Variants in ATG9B observed in about 807,000 individuals in gnomAD.
The protein encoded by ATG9B is autophagy-related protein 9B.
Under a neutral mutation model 92.9 loss-of-function variants are expected in ATG9B, and 92 were observed. That is an observed-to-expected ratio of 0.99 (90% confidence interval 0.84 to 1.18). The LOEUF (loss-of-function observed/expected upper bound fraction) is 1.18, where lower values mean the gene tolerates loss of function less well. ATG9B is among the 50% of genes most tolerant of loss of function. ATG9B has a pLI of 0.00. For synonymous variants in ATG9B, 599 were observed against 551.4 expected (o/e 1.09, Z -1.21); for missense variants, 1,344 against 1,235.0 (o/e 1.09, Z -1.32).
At position 151,017,987 on chromosome 7, in the gene ATG9B, G is replaced by A. The variant is rs1410835158; in HGVS notation, c.1936C>T (p.Arg646Cys). The A allele has an allele frequency of 9.3e-6, 15 of 1,604,918 alleles. No individual in the cohort carries two copies. Among genetic ancestry groups the A allele is most frequent in the South Asian group, 1.1e-5 (1 of 89,420 alleles). The change falls in exon 8 of 14, where the codon CGC becomes TGC. Residue 646 changes from arginine to cysteine, a missense_variant. Transcript: ENST00000639579. ...LTPLFLLFWF[R>C]PRALEIIDFF... is the part of the protein sequence containing the mutation. ...TCGATAATCTCCAGGGCACGAGGGC[G>A]GAACCAGAAAAGCAGAAACAGCGGG...
Position 151,017,882 on chromosome 7 carries a change from C to T in ATG9B, c.2041G>A (p.Gly681Arg), listed in dbSNP as rs372568998. The T allele has an allele frequency of 2.2e-5, 36 of 1,607,542 alleles. No homozygotes were observed. Among genetic ancestry groups the T allele is most frequent in the Non-Finnish European group, 2.9e-5 (34 of 1,176,946 alleles). ...SFALMDVKRHGHPQWLSAGQT... is the reference protein window; with the variant it reads ...SFALMDVKRHRHPQWLSAGQT... ...GGAACGGCTCTGACCTGAGGGTGTC[C>T]GTGGCGCTTCACATCCATAAGGGCA... Residue 681 changes from glycine (G) to arginine (R), a missense_variant, in exon 8 of 14, where the codon GGA becomes AGA. By Grantham distance (125) the Gly-to-Arg change is moderately radical. Transcript: ENST00000639579.
rs12666075 is a variant in ATG9B at position 151,023,221 on chromosome 7, G to T, written c.660-15C>A. On this transcript the variant is annotated splice_polypyrimidine_tract_variant and intron_variant, in intron 3 of 13. Transcript: ENST00000639579. ...AAATAAATTGTCTGCCGGGAGGAAG[G>T]GGGGGTGCCGGGATGCTGCAGTGAT... is the stretch of plus-strand genomic sequence containing the variant. 301,773 of 1,613,480 alleles carry T rather than the reference G, an allele frequency of 0.19. 32,765 individuals carry two copies. Among genetic ancestry groups the T allele is most frequent in the Admixed American group, 0.45 (27,269 of 60,006 alleles).
At position 151,018,369 on chromosome 7, in the gene ATG9B, G is replaced by C. The variant is rs535167096; in HGVS notation, c.1797C>G (p.Tyr599Ter). The C allele has an allele frequency of 9.6e-5, 153 of 1,598,390 alleles. No individual in the cohort carries two copies. In the East Asian group the frequency reaches 3.4e-3, roughly 35 times the overall value. The change falls in exon 7 of 14, where the codon TAC becomes TAG. Residue 599 changes from tyrosine (Y) to a stop codon, truncating the protein, a stop_gained. Coordinates refer to ENST00000639579, the MANE Select transcript of ATG9B (RefSeq NM_001317056.2). LOFTEE classifies it high-confidence loss of function. The surrounding 1 kb of genome is among the most constrained non-coding windows in gnomAD (Gnocchi z 4.7). ...LLQTALAHMH[Y>*]LPEEPGPGGR... ...CGCCGGGGCCGGGCTCCTCCGGGAGGTAGTGCATGTGGGCCAGGGCTGTCT... is the reference window on the plus strand; with the variant it reads ...CGCCGGGGCCGGGCTCCTCCGGGAGCTAGTGCATGTGGGCCAGGGCTGTCT...
chr7:151,017,883 G>T lies in ATG9B; in HGVS notation c.2040C>A (p.His680Gln). ...GAACGGCTCTGACCTGAGGGTGTCC[G>T]TGGCGCTTCACATCCATAAGGGCAA... is the stretch of plus-strand genomic sequence containing the variant. ...CSFALMDVKR[H>Q]GHPQWLSAGQ... The change falls in exon 8 of 14, where the codon CAC (histidine) becomes CAA (glutamine). Residue 680 changes from histidine (H) to glutamine (Q), a missense_variant. Physicochemically the swap from His to Gln is conservative, Grantham distance 24. Transcript: ENST00000639579. 1 of 1,607,730 alleles carries T rather than the reference G, an allele frequency of 6.2e-7. No individual in the cohort carries two copies. Among genetic ancestry groups the T allele is most frequent in the Non-Finnish European group, 8.5e-7 (1 of 1,176,962 alleles).
At chr7:151,021,460 GC>G in intron 4 of ATG9B, 131 bp from the exon 5 acceptor site, 1 of 1,300,082 alleles carries the variant, frequency 7.7e-7, no homozygotes. Context: ...TCAAGGTAGA[GC>G]CCGGGGCAGG....
rs1795610119 is a variant in ATG9B at position 151,018,600 on chromosome 7, C to T, written c.1718+20G>A. On this transcript the variant is annotated intron_variant, in intron 6 of 13. Transcript: ENST00000639579. This position sits in a 1 kb window ranked among gnomAD's most constrained non-coding sequence, Gnocchi z 4.7. ...AGAGAAACCAACACACACCACCACC[C>T]CGGGCATCTGCCGTCGCACCTGGCG... 1 of 1,591,566 alleles carries T rather than the reference C, an allele frequency of 6.3e-7. No individual in the cohort carries two copies. The highest frequency in any genetic ancestry group is 1.4e-5 in the African/African-American group (1 of 73,518).
At position 151,024,012 on chromosome 7, in the gene ATG9B, G is replaced by A; in HGVS notation, c.412C>T (p.Pro138Ser). 1 of 1,593,724 alleles carries A rather than the reference G, an allele frequency of 6.3e-7. No individual in the cohort carries two copies. Among genetic ancestry groups the A allele is most frequent in the Non-Finnish European group, 8.5e-7 (1 of 1,170,208 alleles). ...TPSQQCPQDS[P>S]GLRVGPLIPE... The stretch of plus-strand genomic sequence containing the variant: ...ATCAAAGGGCCTACCCGCAGCCCAG[G>A]AGAGTCCTGGGGGCACTGCTGTGAG... Residue 138 changes from proline (P) to serine (S), a missense_variant, in exon 1 of 14, where the codon CCT becomes TCT. Coordinates refer to ENST00000639579, the MANE Select transcript of ATG9B (RefSeq NM_001317056.2).
rs747649116 is a variant in ATG9B at position 151,018,974 on chromosome 7, G to A, written c.1364C>T (p.Ala455Val). 1.3e-6 allele frequency: 2 copies of A among 1,579,160 alleles called. No homozygotes were observed. Among genetic ancestry groups the A allele is most frequent in the Admixed American group, 1.8e-5 (1 of 56,272 alleles). Residue 455 changes from alanine (A) to valine (V), a missense_variant, in exon 6 of 14, where the codon GCC becomes GTC. Coordinates refer to ENST00000639579, the MANE Select transcript of ATG9B (RefSeq NM_001317056.2). This position sits in a 1 kb window ranked among gnomAD's most constrained non-coding sequence, Gnocchi z 4.7. Reference sequence around the variant, plus strand: ...ATAGAAGACGTGCAGAACCTGCCAGGCCAGCACCAGCGGGCTCAGCGCCAG... The same window carrying A: ...ATAGAAGACGTGCAGAACCTGCCAGACCAGCACCAGCGGGCTCAGCGCCAG... ...LNLALSPLVLAWQVLHVFYSH... is the reference protein window; with the variant it reads ...LNLALSPLVLVWQVLHVFYSH...
rs755037112 is a variant in ATG9B, at chr7:151,023,040, C to T, written c.821+5G>A. ...CCCCCAGGGCCCCACCAGGTTGTCACTAACCTCTCAGCACACTGGGCTGAG... is the reference window on the plus strand; with the variant it reads ...CCCCCAGGGCCCCACCAGGTTGTCATTAACCTCTCAGCACACTGGGCTGAG... On this transcript the variant is annotated splice_donor_5th_base_variant and intron_variant, in intron 4 of 13. Transcript: ENST00000639579. 5.0e-6 allele frequency: 8 copies of T among 1,613,972 alleles called. No homozygotes were observed. In the South Asian group the frequency reaches 7.7e-5, roughly 16 times the overall value.
In ATG9B at chr7:151,017,813, G is replaced by T. The variant is rs970190768; in HGVS notation, c.2052+58C>A. ...AGGGCTGGAACTCAGGTCTGCTCCC[G>T]AGAGGCAAGCGAACTCCCACCCAGC... On this transcript the variant is annotated intron_variant, in intron 8 of 13. Coordinates refer to ENST00000639579, the MANE Select transcript of ATG9B (RefSeq NM_001317056.2). 4.7e-6 allele frequency: 7 copies of T among 1,494,802 alleles called. No individual in the cohort carries two copies. The South Asian group carries it at 8.0e-5, about 17-fold the overall frequency. 92.6% of individuals were successfully genotyped at this position (1,494,802 alleles called of 1,614,324 possible).
chr7:151,016,405 T>A, intron 11 of ATG9B, 26 bp downstream of exon 11: 1 of 1,547,360 alleles, frequency 6.5e-7, no homozygotes. Context: ...TCTCCACATT[T>A]CTCCTTTGGG....
intron 9 of ATG9B, 87 bp downstream of exon 9, chr7:151,016,949 T>A: frequency 6.7e-7 from 1 of 1,500,454 alleles, no homozygotes. Flanking sequence ...TGAGGCAGGT[T>A]ACTACCTAAG....
At chr7:151,020,262 G>A (rs886600920) in intron 5 of ATG9B, 2 of 152,792 alleles carry the variant, frequency 1.3e-5, no homozygotes, top group African/African-American at 4.8e-5. Context: ...CTTCAGCCCA[G>A]TTTCACTCAG....
rs142290541 is a variant in ATG9B at position 151,017,780 on chromosome 7, A to G, written c.2052+91T>C. On this transcript the variant is annotated intron_variant, in intron 8 of 13. Transcript: ENST00000639579. ...CGCTCAACGGCACAGGTAGCAAGCAATGGAGCCAGGGCTGGAACTCAGGTC... is the reference window on the plus strand; with the variant it reads ...CGCTCAACGGCACAGGTAGCAAGCAGTGGAGCCAGGGCTGGAACTCAGGTC... 3.9e-3 allele frequency: 5,477 copies of G among 1,405,918 alleles called. 29 individuals carry two copies. Among genetic ancestry groups the G allele is most frequent in the South Asian group, 0.015 (998 of 67,184 alleles). The allele number at this position is 1,405,918 out of a possible 1,614,324, so 87.1% of individuals were successfully genotyped here. A position where few individuals can be genotyped will look rare whatever the true frequency, so the allele number is the denominator to read the frequency against.
At chr7:151,016,622 C>T (rs562671524) in intron 10 of ATG9B, 66 bp downstream of exon 10, 1 of 1,545,594 alleles carries the variant, frequency 6.5e-7, no homozygotes, top group South Asian at 1.2e-5. Context: ...CGCCCCAGCT[C>T]CCCACTCCTA....
At position 151,021,331 on chromosome 7, in the gene ATG9B, T is replaced by C. The variant is rs1368973667; in HGVS notation, c.822-2A>G. The C allele has an allele frequency of 1.9e-6, 3 of 1,596,928 alleles. No individual in the cohort carries two copies. The highest frequency in any genetic ancestry group is 1.7e-6 in the Non-Finnish European group (2 of 1,169,802). On this transcript the variant is annotated splice_acceptor_variant, in intron 4 of 13. Transcript: ENST00000639579. LOFTEE classifies it high-confidence loss of function. Reference sequence around the variant, plus strand: ...ACCAGCAGCGGGCTGGAGCGGATCCTGTATGGGGTTGGGCGGGCAGTGGGG... The same window carrying C: ...ACCAGCAGCGGGCTGGAGCGGATCCCGTATGGGGTTGGGCGGGCAGTGGGG...
At chr7:151,012,306 A>G, downstream of ATG9B, 1 of 1,465,638 alleles carries the variant, frequency 6.8e-7, no homozygotes. Flanking sequence ...AGAATGGTGG[A>G]GCAGGAAAGG....
chr7:151,014,288 G>A, downstream of ATG9B: 1 of 1,054,142 alleles, frequency 9.5e-7, no homozygotes, highest in South Asian at 1.6e-5. Context: ...TCTGTCCAGA[G>A]GCTGCAAGGA....
intron 5 of ATG9B, among the ~76,000 whole-genome samples, chr7:151,019,674 G>A (rs1449081846): frequency 6.6e-6 from 1 of 152,282 alleles, no homozygotes; most frequent in Middle Eastern, 3.4e-3. Flanking sequence ...CCAGGTGCTG[G>A]ACCTGGCTTC....
Sources: allele counts gnomAD v4.1 joint callset (sites outside exome capture counted in the v4.1 genomes callset), GRCh38; gene constraint gnomAD v4.1.1; non-coding constraint Gnocchi (gnomAD v3.1); transcripts MANE v1.5; gene names NCBI Gene and HGNC (gene_info 2026-07-23, HGNC 2026-07-21).